Variants in ACADL observed in about 807,000 individuals in gnomAD.
ACADL encodes acyl-CoA dehydrogenase long chain, also known as long-chain specific acyl-CoA dehydrogenase, mitochondrial.
Under a neutral mutation model 56.9 loss-of-function variants are expected in ACADL, and 60 were observed. The observed-to-expected ratio is 1.05, with a 90% CI of 0.86 to 1.31. The LOEUF (loss-of-function observed/expected upper bound fraction) is 1.31, where lower values mean the gene tolerates loss of function less well. ACADL is among the 50% of genes most tolerant of loss of function. The pLI, the probability that ACADL is intolerant of heterozygous loss-of-function variation, is 0.00. For missense variants in ACADL, 484 were observed against 525.5 expected, an observed-to-expected ratio of 0.92 and a Z score of 0.77; for synonymous variants, 158 against 179.7, an observed-to-expected ratio of 0.88 and a Z score of 0.97.
intron 5 of ACADL, among the ~76,000 whole-genome samples, chr2:210,208,956 G>T (rs958531622): frequency 6.6e-6 from 1 of 152,150 alleles, no homozygotes; most frequent in Non-Finnish European, 1.5e-5. Context: ...AGCAGACGAG[G>T]TCTGCTTAGA....
intron 5 of ACADL, chr2:210,209,537 A>T (rs940125204): frequency 2.0e-5 from 3 of 150,868 alleles, no homozygotes; most frequent in African/African-American, 7.3e-5. Context: ...TTCTCCTAGG[A>T]TCTTTTTTTT....
intron 10 of ACADL, among the ~76,000 whole-genome samples, chr2:210,190,641 C>T (rs1283812946): frequency 6.6e-6 from 1 of 152,078 alleles, no homozygotes; most frequent in Non-Finnish European, 1.5e-5. Flanking sequence ...TCCTCACGGG[C>T]TCGAGCCTAA....
Position 210,201,299 on chromosome 2 carries a change from G to A in ACADL, c.984+2032C>T, listed in dbSNP as rs551703964. On this transcript the variant is annotated intron_variant, in intron 8 of 10. Coordinates refer to ENST00000233710, the MANE Select transcript of ACADL (RefSeq NM_001608.4). The stretch of plus-strand genomic sequence containing the variant: ...CCTACTCAATCTACAATGTGTCTGC[G>A]TGCCCAAATTATCCTGGTCCTGTGA... 5.3e-5 allele frequency among the ~76,000 whole-genome samples: 8 copies of A among 152,058 alleles called. No homozygotes were observed. The East Asian group carries it at 5.8e-4, about 11-fold the overall frequency.
chr2:210,203,477 T>C (rs755494379), intron 7 of ACADL, 33 bp from the exon 8 acceptor site: 44 of 1,340,184 alleles, frequency 3.3e-5, no homozygotes, highest in Middle Eastern at 2.0e-4. Context: ...TAAACATTAC[T>C]CTAATTATGC....
At chr2:210,221,962 T>A (rs1340270837) in intron 1 of ACADL, among the ~76,000 whole-genome samples, 1 of 152,160 alleles carries the variant, frequency 6.6e-6, no homozygotes, top group Non-Finnish European at 1.5e-5. Flanking sequence ...ACTCCTGACC[T>A]CAAGTGATAC....
intron 4 of ACADL, among the ~76,000 whole-genome samples, chr2:210,214,467 AAAAGAAAGAAAG>A (rs60795055): frequency 3.8e-4 from 47 of 122,418 alleles, no homozygotes; most frequent in African/African-American, 1.4e-3. Context: ...GACCTTCCAA[AAAAGAAAGAAAG>A]AAAGAAAGAA....
Position 210,192,910 on chromosome 2 carries a change from G to A in ACADL, c.1113-20C>T, listed in dbSNP as rs1282340720. ...GATGCCCTAAATGACCAAAATAAAAGGCAGAAAAGAAATGTTTGAAATGGA... is the reference window on the plus strand; with the variant it reads ...GATGCCCTAAATGACCAAAATAAAAAGCAGAAAAGAAATGTTTGAAATGGA... On this transcript the variant is annotated intron_variant, in intron 9 of 10. Transcript: ENST00000233710. 4 of 1,590,868 alleles carry A rather than the reference G, an allele frequency of 2.5e-6. No individual in the cohort carries two copies. The highest frequency in any genetic ancestry group is 1.7e-4 in the Middle Eastern group (1 of 6,032).
chr2:210,191,027 A>T (rs902719560), intron 10 of ACADL, among the ~76,000 whole-genome samples: 6 of 150,850 alleles, frequency 4.0e-5, no homozygotes, highest in Admixed American at 1.3e-4. Flanking sequence ...AGCGATTCTC[A>T]TGCCTCTGGA....
At chr2:210,208,052 G>C (rs1001433792) in intron 5 of ACADL, among the ~76,000 whole-genome samples, 2 of 152,198 alleles carry the variant, frequency 1.3e-5, no homozygotes, top group African/African-American at 4.8e-5. Flanking sequence ...AGTCTACCAA[G>C]CTCCTACCTT....
chr2:210,201,324 A>C (rs1688789853), intron 8 of ACADL, among the ~76,000 whole-genome samples: 1 of 152,180 alleles, frequency 6.6e-6, no homozygotes, highest in Non-Finnish European at 1.5e-5. Flanking sequence ...TGGTCCTGTG[A>C]CAAGAACCCA....
At chr2:210,216,622 A>C in intron 3 of ACADL, 111 bp from the exon 4 acceptor site, 1 of 982,334 alleles carries the variant, frequency 1.0e-6, no homozygotes, top group Non-Finnish European at 1.5e-6. Flanking sequence ...GGCCTATCTC[A>C]TCACAAACCT....
intron 8 of ACADL, among the ~76,000 whole-genome samples, chr2:210,201,678 T>G (rs1037210555): frequency 2.0e-5 from 3 of 152,204 alleles, no homozygotes; most frequent in Non-Finnish European, 4.4e-5. Flanking sequence ...ACTTAAAAAT[T>G]TTTAAGTCAA....
At chr2:210,221,905 T>C (rs1021894269) in intron 1 of ACADL, among the ~76,000 whole-genome samples, 15 of 152,116 alleles carry the variant, frequency 9.9e-5, no homozygotes, top group Admixed American at 4.6e-4. Flanking sequence ...AAGTTTTGTA[T>C]TTTTAGTAGA....
rs1436080339 is a variant in ACADL, at chr2:210,225,293, G to A, written c.-30C>T. ...GAAACACAGGGGCGGCGGGGCGACGGAGGCGACTCTGCGGCTACTCGGCGA... is the reference window on the plus strand; with the variant it reads ...GAAACACAGGGGCGGCGGGGCGACGAAGGCGACTCTGCGGCTACTCGGCGA... On this transcript the variant is annotated 5_prime_UTR_variant, in exon 1 of 11. Transcript: ENST00000233710. The A allele has an allele frequency of 4.5e-6, 7 of 1,542,030 alleles. No homozygotes were observed. The highest frequency in any genetic ancestry group is 6.1e-6 in the Non-Finnish European group (7 of 1,149,432).
At chr2:210,218,250 G>T in intron 2 of ACADL, 148 bp from the exon 3 acceptor site, 1 of 651,992 alleles carries the variant, frequency 1.5e-6, no homozygotes, top group Admixed American at 2.5e-5. Flanking sequence ...ATTTGCCTCT[G>T]ACTCTTTTAT....
At position 210,218,117 on chromosome 2, in the gene ACADL, T is replaced by A. The variant is rs780635542; in HGVS notation, c.234-15A>T. 8 of 1,607,808 alleles carry A rather than the reference T, an allele frequency of 5.0e-6. No individual in the cohort carries two copies. In the African/African-American group the frequency reaches 9.4e-5, roughly 19 times the overall value. On this transcript the variant is annotated splice_polypyrimidine_tract_variant and intron_variant, in intron 2 of 10. Transcript: ENST00000233710. ...CTTTCTCCCATCTGCAAATAACAAATATTTTAAATTCAGATAATTTTTAAA... is the reference window on the plus strand; with the variant it reads ...CTTTCTCCCATCTGCAAATAACAAAAATTTTAAATTCAGATAATTTTTAAA...
intron 1 of ACADL, chr2:210,224,822 A>G (rs1379260246): frequency 9.9e-7 from 1 of 1,013,790 alleles, no homozygotes; most frequent in African/African-American, 1.7e-5. Context: ...AGCCGGGCCC[A>G]GGGGGTGACC....
In ACADL at chr2:210,225,268, G is replaced by A; in HGVS notation, c.-5C>T. 6.4e-7 allele frequency: 1 copy of A among 1,554,426 alleles called. No homozygotes were observed. The highest frequency in any genetic ancestry group is 8.6e-7 in the Non-Finnish European group (1 of 1,156,070). ...TCGGAGAAGGCGTGCGGCCATGTCC[G>A]AAACACAGGGGCGGCGGGGCGACGG... On this transcript the variant is annotated 5_prime_UTR_variant, in exon 1 of 11. Coordinates refer to ENST00000233710, the MANE Select transcript of ACADL (RefSeq NM_001608.4).
In ACADL at chr2:210,220,690, C is replaced by T. The variant is rs1336313726; in HGVS notation, c.190G>A (p.Val64Ile). Residue 64 changes from valine (V) to isoleucine (I), a missense_variant, in exon 2 of 11, where the codon GTA becomes ATA. Transcript: ENST00000233710. The part of the protein sequence containing the change: ...SPEHDIFRKS[V>I]RKFFQEEVIP... ...ACTTCTTCTTGGAAAAACTTCCTTA[C>T]ACTTTTCCGGAAAATGTCATGCTCT... 1.2e-6 allele frequency: 2 copies of T among 1,613,586 alleles called. No individual in the cohort carries two copies. Among genetic ancestry groups the T allele is most frequent in the South Asian group, 1.1e-5 (1 of 91,068 alleles).
Sources: gnomAD v4.1 joint callset for allele counts (sites outside exome capture counted in the v4.1 genomes callset) on GRCh38, gnomAD v4.1.1 for gene constraint, MANE v1.5 for transcripts, NCBI Gene and HGNC (gene_info 2026-07-23, HGNC 2026-07-21) for gene names.